The following RBMX2 variants were observed in gnomAD, a reference collection of about 807,000 sequenced individuals.
RBMX2 encodes RNA-binding motif protein, X-linked 2.
For synonymous variants in RBMX2, 77 were observed against 94.3 expected (o/e 0.82, Z 1.07); for missense variants, 191 against 256.0 (o/e 0.75, Z 1.73).
intron 5 of RBMX2, 139 bp downstream of exon 5, chrX:130,411,664 G>A (rs2034513251): frequency 1.7e-6 from 1 of 600,339 alleles, no homozygotes; most frequent in Non-Finnish European, 2.4e-6. Flanking sequence ...AAAGCAGGGA[G>A]TATCAGTGGA....
chrX:130,411,804 C>T (rs1275027030), intron 5 of RBMX2, among the ~76,000 whole-genome samples: 1 of 110,929 alleles, frequency 9.0e-6, no homozygotes, highest in African/African-American at 3.3e-5. Context: ...ATGGGAATTA[C>T]CTTGTACAGC....
chrX:130,409,517 G>A, intron 4 of RBMX2, 131 bp downstream of exon 4: 2 of 640,857 alleles, frequency 3.1e-6, no homozygotes, highest in Admixed American at 3.4e-5. Context: ...GCAGAGATGT[G>A]GAGACACTGG....
rs2034525574 is a variant in RBMX2 at position 130,413,504 on chromosome X, A to G, written c.*656A>G. Among the ~76,000 whole-genome samples, 1 of 110,606 alleles carries G rather than the reference A, an allele frequency of 9.0e-6. No homozygotes were observed. Among genetic ancestry groups the G allele is most frequent in the African/African-American group, 3.3e-5 (1 of 30,342 alleles). On this transcript the variant is annotated 3_prime_UTR_variant, in exon 6 of 6. Transcript: ENST00000305536. Reference sequence around the variant, plus strand: ...GTAACCATTGCCTCTGTCTAGTTCCAAAACATTTTTTATCATCCCAAAATG... The same window carrying G: ...GTAACCATTGCCTCTGTCTAGTTCCGAAACATTTTTTATCATCCCAAAATG...
At chrX:130,405,924 G>A (rs1440745955) in intron 3 of RBMX2, among the ~76,000 whole-genome samples, 5 of 51,074 alleles carry the variant, frequency 9.8e-5, no homozygotes, top group Non-Finnish European at 1.4e-4. Flanking sequence ...GCGGGATCTC[G>A]GCTCACTGCA....
rs1402871099 is a variant in RBMX2 at position 130,413,045 on chromosome X, C to A, written c.*197C>A. On this transcript the variant is annotated 3_prime_UTR_variant, in exon 6 of 6. Coordinates refer to ENST00000305536, the MANE Select transcript of RBMX2 (RefSeq NM_016024.4). ...ATATTGTTTGCACCATCCATTGTCC[C>A]TGTACCAGAGTATGTATCCTGAACT... The A allele has an allele frequency of 9.9e-6, 4 of 404,773 alleles. No individual in the cohort carries two copies. In the Admixed American group the frequency reaches 1.8e-4, roughly 18 times the overall value. The allele number at this position is 404,773 out of a possible 1,213,427, so 33.4% of individuals were successfully genotyped here.
At chrX:130,412,082 C>A (rs1286805955) in intron 5 of RBMX2, among the ~76,000 whole-genome samples, 1 of 109,342 alleles carries the variant, frequency 9.1e-6, no homozygotes, top group Non-Finnish European at 1.9e-5. Flanking sequence ...GCCACCACAC[C>A]CGGCTAATTT....
chrX:130,402,058 T>C (rs1319420964), intron 1 of RBMX2, 21 bp downstream of exon 1: 1 of 1,197,226 alleles, frequency 8.4e-7, no homozygotes, highest in South Asian at 1.8e-5. Flanking sequence ...AGCTTCCTTT[T>C]GAGGAAGGAG....
chrX:130,406,246 C>T (rs1411203386), intron 3 of RBMX2, among the ~76,000 whole-genome samples: 1 of 111,132 alleles, frequency 9.0e-6, no homozygotes, highest in African/African-American at 3.3e-5. Flanking sequence ...CTATTCATAT[C>T]CTTTGCCAAC....
Position 130,403,407 on chromosome X carries a change from C to T in RBMX2, c.122-395C>T, listed in dbSNP as rs774806067. ...TTTTGAGCTGGAGTTTCACTCTTGT[C>T]GCCCAGGCTGGAGTGCAATGGCACG... On this transcript the variant is annotated intron_variant, in intron 2 of 5. Coordinates refer to ENST00000305536, the MANE Select transcript of RBMX2 (RefSeq NM_016024.4). 4.5e-5 allele frequency among the ~76,000 whole-genome samples: 5 copies of T among 112,189 alleles called. No individual in the cohort carries two copies. The South Asian group carries it at 1.1e-3, about 25-fold the overall frequency.
chrX:130,402,087 G>C (rs1368396582), intron 1 of RBMX2, 50 bp downstream of exon 1: 2 of 1,187,454 alleles, frequency 1.7e-6, no homozygotes, highest in Non-Finnish European at 1.1e-6. Context: ...CACTGGGGGT[G>C]GTCCACCGGG....
chrX:130,411,131 G>T, intron 4 of RBMX2: 1 of 299,035 alleles, frequency 3.3e-6, no homozygotes, highest in Non-Finnish European at 5.8e-6. Context: ...TGGTACAACT[G>T]CCCCAGGCCT....
chrX:130,409,911 C>A (rs755173393), intron 4 of RBMX2, among the ~76,000 whole-genome samples: 1 of 112,539 alleles, frequency 8.9e-6, no homozygotes, highest in Non-Finnish European at 1.9e-5. Context: ...TTTCTCCCCC[C>A]AGTTCCCTCT....
At position 130,413,045 on chromosome X, in the gene RBMX2, C is replaced by T. The variant is rs1402871099; in HGVS notation, c.*197C>T. The T allele has an allele frequency of 1.7e-5, 7 of 402,712 alleles. No homozygotes were observed. The Admixed American group carries it at 2.3e-4, about 13-fold the overall frequency. 33.2% of individuals were successfully genotyped at this position (402,712 alleles called of 1,213,427 possible). A position where few individuals can be genotyped will look rare whatever the true frequency, so the allele number is the denominator to read the frequency against. On this transcript the variant is annotated 3_prime_UTR_variant, in exon 6 of 6. Transcript: ENST00000305536. ...ATATTGTTTGCACCATCCATTGTCC[C>T]TGTACCAGAGTATGTATCCTGAACT...
chrX:130,409,072 G>A (rs773621056), intron 3 of RBMX2, among the ~76,000 whole-genome samples, 185 bp from the exon 4 acceptor site: 4 of 111,673 alleles, frequency 3.6e-5, no homozygotes, highest in Non-Finnish European at 5.6e-5. Flanking sequence ...TCTGGATATT[G>A]CCACCCATTT....
intron 2 of RBMX2, among the ~76,000 whole-genome samples, chrX:130,403,153 G>A (rs777544027): frequency 8.9e-6 from 1 of 112,019 alleles, no homozygotes; most frequent in Admixed American, 9.4e-5. Context: ...AAATTTGTGG[G>A]TAATGAGCAG....
At chrX:130,410,790 G>A (rs749527604) in intron 4 of RBMX2, among the ~76,000 whole-genome samples, 1 of 112,418 alleles carries the variant, frequency 8.9e-6, no homozygotes, top group Non-Finnish European at 1.9e-5. Context: ...AGAGCAAGGT[G>A]TGAGGGCTTA....
In RBMX2 at chrX:130,412,716, G is replaced by C. The variant is rs200794283; in HGVS notation, c.837G>C (p.Trp279Cys). Reference sequence around the variant, plus strand: ...GGAGCTCAGATGCACATTCTAGCTGGTATAATGGGCGTTCTGAAGGGCGTA... The same window carrying C: ...GGAGCTCAGATGCACATTCTAGCTGCTATAATGGGCGTTCTGAAGGGCGTA... ...RGRSSDAHSS[W>C]YNGRSEGRSY... Residue 279 changes from tryptophan to cysteine, a missense_variant, in exon 6 of 6, where the codon TGG (tryptophan) becomes TGC (cysteine). Trp to Cys is a radical substitution (Grantham distance 215, BLOSUM62 -2). Coordinates refer to ENST00000305536, the MANE Select transcript of RBMX2 (RefSeq NM_016024.4). 93 of 1,208,309 alleles carry C rather than the reference G, an allele frequency of 7.7e-5. No individual in the cohort carries two copies. The highest frequency in any genetic ancestry group is 7.2e-5 in the Non-Finnish European group (64 of 894,839).
In RBMX2 at chrX:130,405,285, A is replaced by G. The variant is rs1467927680; in HGVS notation, c.173+1432A>G. ...TCCCAGCTACTCGGGAGGTTGAGGC[A>G]GGAGAATTGCTTGAATCCGGGAGGT... On this transcript the variant is annotated intron_variant, in intron 3 of 5. Coordinates refer to ENST00000305536, the MANE Select transcript of RBMX2 (RefSeq NM_016024.4). Among the ~76,000 whole-genome samples the G allele has an allele frequency of 3.6e-5, 4 of 109,847 alleles. No homozygotes were observed. In the East Asian group the frequency reaches 8.6e-4, roughly 24 times the overall value.
chrX:130,402,236 C>A lies in RBMX2; in HGVS notation c.6-19C>A, dbSNP rs185946767. On this transcript the variant is annotated intron_variant, in intron 1 of 5. Coordinates refer to ENST00000305536, the MANE Select transcript of RBMX2 (RefSeq NM_016024.4). ...CTGCTTTTCTGCCTACCCTCCCCAC[C>A]CCCCCCGCCACCGTGAAGCCCTTTA... 4 of 1,175,581 alleles carry A rather than the reference C, an allele frequency of 3.4e-6. No individual in the cohort carries two copies. The highest frequency in any genetic ancestry group is 4.9e-5 in the Admixed American group (2 of 41,001).
Sources: gnomAD v4.1 joint callset for allele counts (sites outside exome capture counted in the v4.1 genomes callset) on GRCh38, gnomAD v4.1.1 for gene constraint, MANE v1.5 for transcripts, NCBI Gene and HGNC (gene_info 2026-07-23, HGNC 2026-07-21) for gene names.